SLC35F1: variants seen among roughly 807,000 people sequenced by gnomAD.
SLC35F1 encodes solute carrier family 35 member F1.
Under a neutral mutation model 48.7 loss-of-function variants are expected in SLC35F1, and 14 were observed. The observed-to-expected ratio is 0.29, with a 90% CI of 0.19 to 0.45. SLC35F1 has a LOEUF of 0.45. SLC35F1 is among the 20% of genes least tolerant of loss of function. The pLI is 1.00. For missense variants in SLC35F1, 404 were observed against 500.0 expected, an observed-to-expected ratio of 0.81 and a Z score of 1.83; for synonymous variants, 190 against 202.2, an observed-to-expected ratio of 0.94 and a Z score of 0.51.
At chr6:118,075,645 T>C (rs377137884) in intron 1 of SLC35F1, among the ~76,000 whole-genome samples, 1 of 152,222 alleles carries the variant, frequency 6.6e-6, no homozygotes, top group Non-Finnish European at 1.5e-5. Context: ...AAATGCAGTA[T>C]TTTTGATCTA....
At chr6:118,306,528 A>G (rs540447521) in intron 7 of SLC35F1, among the ~76,000 whole-genome samples, 56 of 152,224 alleles carry the variant, frequency 3.7e-4, no homozygotes, top group Non-Finnish European at 6.9e-4. Flanking sequence ...CTTGTGATGC[A>G]AAAGTCCAAA....
intron 1 of SLC35F1, among the ~76,000 whole-genome samples, chr6:118,097,720 A>G (rs1773196773): frequency 6.6e-6 from 1 of 152,214 alleles, no homozygotes. Context: ...ACAGCTGATA[A>G]TGCCACAGTG....
At chr6:118,277,016 C>A (rs1213090734) in intron 5 of SLC35F1, among the ~76,000 whole-genome samples, 1 of 152,108 alleles carries the variant, frequency 6.6e-6, no homozygotes. Flanking sequence ...TGGATCTCAC[C>A]GGATCTCTGA....
chr6:118,038,715 GGAGT>G (rs1351592549), intron 1 of SLC35F1, among the ~76,000 whole-genome samples: 1 of 152,042 alleles, frequency 6.6e-6, no homozygotes, highest in African/African-American at 2.4e-5. Context: ...TCTGCCTCCT[GGAGT>G]CAAGTGTGTC....
At chr6:117,964,141 A>C (rs1457681035) in intron 1 of SLC35F1, among the ~76,000 whole-genome samples, 1 of 152,230 alleles carries the variant, frequency 6.6e-6, no homozygotes, top group Non-Finnish European at 1.5e-5. Context: ...ACGTCCCTGC[A>C]AAGGACATGA....
intron 1 of SLC35F1, among the ~76,000 whole-genome samples, chr6:118,121,398 T>C (rs1241585425): frequency 6.6e-6 from 1 of 152,238 alleles, no homozygotes; most frequent in Non-Finnish European, 1.5e-5. Flanking sequence ...CTGAAAGTTA[T>C]AATTGTCATT....
intron 2 of SLC35F1, among the ~76,000 whole-genome samples, chr6:118,218,481 A>G (rs1775103712): frequency 1.3e-5 from 2 of 152,188 alleles, no homozygotes; most frequent in African/African-American, 4.8e-5. Context: ...AAGCAAAGGA[A>G]GTAAAAAGGG....
intron 2 of SLC35F1, among the ~76,000 whole-genome samples, chr6:118,164,987 T>G (rs1326806519): frequency 6.6e-6 from 1 of 151,920 alleles, no homozygotes; most frequent in Non-Finnish European, 1.5e-5. Context: ...GGGTATAGAG[T>G]CAGAGATTTT....
Position 118,265,998 on chromosome 6 carries a change from G to A in SLC35F1, c.478-997G>A, listed in dbSNP as rs1775768933. Among the ~76,000 whole-genome samples, 5 of 152,186 alleles carry A rather than the reference G, an allele frequency of 3.3e-5. No individual in the cohort carries two copies. In the South Asian group the frequency reaches 8.3e-4, roughly 25 times the overall value. On this transcript the variant is annotated intron_variant, in intron 3 of 7. Coordinates refer to ENST00000360388, the MANE Select transcript of SLC35F1 (RefSeq NM_001029858.4). ...TGGAGCCCAAAGAGTGTGTTTGAAAGCAGAGTTATAGACCAGCAATGAGGG... is the reference window on the plus strand; with the variant it reads ...TGGAGCCCAAAGAGTGTGTTTGAAAACAGAGTTATAGACCAGCAATGAGGG...
chr6:118,176,389 T>C (rs559235150), intron 2 of SLC35F1, among the ~76,000 whole-genome samples: 6 of 152,126 alleles, frequency 3.9e-5, no homozygotes, highest in Middle Eastern at 3.2e-3. Flanking sequence ...TGGAGTACAG[T>C]GGCAATCATA....
chr6:118,112,082 CTTTCTTTTCTTTTCTTTTCT>C (rs202065600), intron 1 of SLC35F1, among the ~76,000 whole-genome samples: 3,479 of 131,770 alleles, frequency 0.026, 109 homozygotes, highest in Non-Finnish European at 0.031. Flanking sequence ...TTCTTTATTT[CTTTCTTTTCTTTTCTTTTCT>C]TTTCTTTTCT....
At position 117,923,694 on chromosome 6, in the gene SLC35F1, CATAT is replaced by C. The variant is rs1562238804; in HGVS notation, c.173+15797_173+15800del. Among the ~76,000 whole-genome samples the C allele has an allele frequency of 5.2e-4, 7 of 13,518 alleles. 3 individuals are homozygous for C. Among genetic ancestry groups the C allele is most frequent in the Non-Finnish European group, 7.3e-4 (7 of 9,626 alleles). 8.9% of individuals were successfully genotyped at this position (13,518 alleles called of 152,430 possible). A position where few individuals can be genotyped will look rare whatever the true frequency, so the allele number is the denominator to read the frequency against. ...ATATATGTACATATATACATATGTA[CATAT>C]ACATATATGTACATATATACATATA... is the stretch of plus-strand genomic sequence containing the variant. On this transcript the variant is annotated intron_variant, in intron 1 of 7. Coordinates refer to ENST00000360388, the MANE Select transcript of SLC35F1 (RefSeq NM_001029858.4).
At chr6:117,910,805 G>A (rs1775752123) in intron 1 of SLC35F1, among the ~76,000 whole-genome samples, 1 of 152,166 alleles carries the variant, frequency 6.6e-6, no homozygotes, top group African/African-American at 2.4e-5. Flanking sequence ...CCTGCCATTG[G>A]TCACAGTCTA....
intron 1 of SLC35F1, among the ~76,000 whole-genome samples, chr6:118,129,122 G>C (rs1773672455): frequency 6.6e-6 from 1 of 152,210 alleles, no homozygotes; most frequent in African/African-American, 2.4e-5. Context: ...AAGGAGCCAA[G>C]TGTCTAGTTG....
At position 118,128,577 on chromosome 6, in the gene SLC35F1, C is replaced by A. The variant is rs189305084; in HGVS notation, c.174-25868C>A. 6.6e-3 allele frequency among the ~76,000 whole-genome samples: 1,005 copies of A among 151,196 alleles called. 8 individuals carry two copies. The highest frequency in any genetic ancestry group is 0.014 in the Middle Eastern group (4 of 294). The stretch of plus-strand genomic sequence containing the variant: ...ATCGCAAGGACAAAAAACCAAACAC[C>A]GCATGTTCTCACTCATAGATGGGAA... On this transcript the variant is annotated intron_variant, in intron 1 of 7. Coordinates refer to ENST00000360388, the MANE Select transcript of SLC35F1 (RefSeq NM_001029858.4).
At chr6:118,144,383 A>G (rs767484617) in intron 1 of SLC35F1, among the ~76,000 whole-genome samples, 1 of 151,944 alleles carries the variant, frequency 6.6e-6, no homozygotes, top group Non-Finnish European at 1.5e-5. Context: ...TGGGAGCTGA[A>G]CCATGTGAAC....
At chr6:118,048,517 G>A (rs542818692) in intron 1 of SLC35F1, among the ~76,000 whole-genome samples, 21 of 152,136 alleles carry the variant, frequency 1.4e-4, no homozygotes, top group African/African-American at 5.1e-4. Context: ...CAGCAAAGTC[G>A]TAGGATACAA....
chr6:118,113,949 G>A (rs1046364397), intron 1 of SLC35F1, among the ~76,000 whole-genome samples: 1 of 152,200 alleles, frequency 6.6e-6, no homozygotes, highest in African/African-American at 2.4e-5. Context: ...TATCTGCAAT[G>A]TTCAATGACT....
intron 1 of SLC35F1, among the ~76,000 whole-genome samples, chr6:118,135,946 AAGAC>A (rs1773787928): frequency 6.6e-6 from 1 of 152,160 alleles, no homozygotes; most frequent in African/African-American, 2.4e-5. Flanking sequence ...GGTCCTATAA[AAGAC>A]AGCTGGGTTA....
Sources: allele counts gnomAD v4.1 joint callset (sites outside exome capture counted in the v4.1 genomes callset), GRCh38; gene constraint gnomAD v4.1.1; transcripts MANE v1.5; gene names NCBI Gene and HGNC (gene_info 2026-07-23, HGNC 2026-07-21).